SEMA5A: variants seen among roughly 807,000 people sequenced by gnomAD.
SEMA5A encodes the protein semaphorin 5A.
In SEMA5A, 55 loss-of-function variants were observed where a neutral mutation model predicts 135.5. That is an observed-to-expected ratio of 0.41 (90% CI 0.33 to 0.51). SEMA5A has a LOEUF of 0.51. Among genes scored for constraint, SEMA5A ranks in the 20% least tolerant of loss-of-function variants. The probability of loss-of-function intolerance (pLI) is 0.37; values close to 1 mark genes in which losing one functional copy is unlikely to be tolerated. For missense variants in SEMA5A, 1,290 were observed against 1,419.9 expected (o/e 0.91, Z 1.47); for synonymous variants, 580 against 546.5 (o/e 1.06, Z -0.85).
chr5:9,321,027 G>A lies in SEMA5A; in HGVS notation c.225-2610C>T, dbSNP rs1752607040. 2.0e-5 allele frequency among the ~76,000 whole-genome samples: 3 copies of A among 152,144 alleles called. No homozygotes were observed. The South Asian group carries it at 6.2e-4, about 31-fold the overall frequency. On this transcript the variant is annotated intron_variant, in intron 4 of 22. Transcript: ENST00000382496. ...CCCCATGTGTCCAGGGAGGGGCCTA[G>A]TAGGAGGTGATTGGATCATGGGGGC...
At chr5:9,134,497 A>C (rs1010969189) in intron 13 of SEMA5A, among the ~76,000 whole-genome samples, 2 of 152,220 alleles carry the variant, frequency 1.3e-5, no homozygotes, top group Non-Finnish European at 2.9e-5. Flanking sequence ...CATTCATTAT[A>C]AACCAAGTGC....
At chr5:9,289,192 A>G (rs528002279) in intron 5 of SEMA5A, among the ~76,000 whole-genome samples, 4 of 152,352 alleles carry the variant, frequency 2.6e-5, no homozygotes, top group African/African-American at 9.6e-5. Flanking sequence ...ATATAAGTAT[A>G]TTTTAAATAC....
chr5:9,362,050 T>G (rs919678010), intron 3 of SEMA5A, among the ~76,000 whole-genome samples: 1 of 152,194 alleles, frequency 6.6e-6, no homozygotes, highest in Admixed American at 6.5e-5. Flanking sequence ...CAGTTTCGTC[T>G]TCATGAGACA....
At chr5:9,177,676 C>T (rs1295533707) in intron 11 of SEMA5A, among the ~76,000 whole-genome samples, 2 of 152,200 alleles carry the variant, frequency 1.3e-5, no homozygotes, top group East Asian at 3.9e-4. Flanking sequence ...TCCCAGGATA[C>T]TCCTAGGAGA....
At chr5:9,415,185 A>C (rs1277357665) in intron 2 of SEMA5A, among the ~76,000 whole-genome samples, 2 of 152,236 alleles carry the variant, frequency 1.3e-5, no homozygotes, top group African/African-American at 4.8e-5. Context: ...AGTTATTTTA[A>C]GATGCAGCTT....
intron 13 of SEMA5A, among the ~76,000 whole-genome samples, chr5:9,128,653 A>G (rs1741242717): frequency 6.6e-6 from 1 of 152,232 alleles, no homozygotes; most frequent in Non-Finnish European, 1.5e-5. Flanking sequence ...TTAGGCATAT[A>G]CAGTCTATAT....
intron 5 of SEMA5A, among the ~76,000 whole-genome samples, chr5:9,286,477 C>T (rs1378719151): frequency 1.3e-5 from 2 of 152,070 alleles, no homozygotes; most frequent in African/African-American, 2.4e-5. Flanking sequence ...TCATTGTTTG[C>T]TGATTGAGTT....
intron 1 of SEMA5A, among the ~76,000 whole-genome samples, chr5:9,487,329 C>T (rs1012632630): frequency 1.3e-5 from 2 of 152,100 alleles, no homozygotes; most frequent in African/African-American, 4.8e-5. Flanking sequence ...GCATTTACTA[C>T]TATTATCATT....
intron 1 of SEMA5A, among the ~76,000 whole-genome samples, chr5:9,483,675 C>T (rs1189695083): frequency 1.3e-5 from 2 of 152,136 alleles, no homozygotes; most frequent in African/African-American, 4.8e-5. Context: ...TTCTCTGGTT[C>T]CCCTTACCCT....
At chr5:9,181,873 C>A (rs1156800641) in intron 11 of SEMA5A, among the ~76,000 whole-genome samples, 1 of 152,046 alleles carries the variant, frequency 6.6e-6, no homozygotes, top group African/African-American at 2.4e-5. Context: ...ACCCCCTGCC[C>A]CATCTCACTC....
intron 6 of SEMA5A, among the ~76,000 whole-genome samples, chr5:9,230,118 C>T (rs1046689444): frequency 2.7e-5 from 4 of 149,650 alleles, no homozygotes; most frequent in South Asian, 2.1e-4. Flanking sequence ...CCAAGTAGCT[C>T]GGATTACACG....
intron 8 of SEMA5A, among the ~76,000 whole-genome samples, chr5:9,223,481 G>A (rs1035459958): frequency 2.0e-5 from 3 of 152,260 alleles, no homozygotes; most frequent in South Asian, 2.1e-4. Flanking sequence ...GGGCAGAGGA[G>A]GATGCTACTG....
chr5:9,385,634 A>T (rs1406079743), intron 2 of SEMA5A, among the ~76,000 whole-genome samples: 2 of 152,152 alleles, frequency 1.3e-5, no homozygotes, highest in African/African-American at 4.8e-5. Context: ...GAGATGTCTC[A>T]GGAAGTCCTG....
At chr5:9,414,725 T>G (rs1757225261) in intron 2 of SEMA5A, among the ~76,000 whole-genome samples, 1 of 152,208 alleles carries the variant, frequency 6.6e-6, no homozygotes, top group South Asian at 2.1e-4. Flanking sequence ...ATTAGTCATT[T>G]TACCTAGTAT....
intron 3 of SEMA5A, among the ~76,000 whole-genome samples, chr5:9,375,494 C>T (rs527402875): frequency 1.3e-5 from 2 of 151,578 alleles, no homozygotes; most frequent in Non-Finnish European, 1.5e-5. Flanking sequence ...AAGCAGAGAT[C>T]GGTTCTTCTC....
chr5:9,315,210 T>C (rs1235709425), intron 5 of SEMA5A, among the ~76,000 whole-genome samples: 1 of 152,180 alleles, frequency 6.6e-6, no homozygotes, highest in Non-Finnish European at 1.5e-5. Flanking sequence ...CTGTTAACAC[T>C]GTATCATATT....
chr5:9,440,808 T>G (rs268533), intron 1 of SEMA5A, among the ~76,000 whole-genome samples: 80,285 of 152,134 alleles, frequency 0.53, 22,549 homozygotes, highest in African/African-American at 0.74. Flanking sequence ...GAGACCAAAG[T>G]TGAGCTGAGT....
intron 6 of SEMA5A, 41 bp from the exon 7 acceptor site, chr5:9,227,008 T>TAC (rs1561046208): frequency 9.9e-7 from 1 of 1,006,140 alleles, no homozygotes; most frequent in Non-Finnish European, 1.3e-6. Context: ...TATATATATA[T>TAC]ATGTATAATG....
chr5:9,139,822 T>A (rs1283728067), intron 12 of SEMA5A, among the ~76,000 whole-genome samples: 2 of 152,172 alleles, frequency 1.3e-5, no homozygotes, highest in African/African-American at 4.8e-5. Context: ...AACTTAAAGA[T>A]TAAGCATCAA....
Sources: gnomAD v4.1 joint callset for allele counts (sites outside exome capture counted in the v4.1 genomes callset) on GRCh38, gnomAD v4.1.1 for gene constraint, MANE v1.5 for transcripts, NCBI Gene and HGNC (gene_info 2026-07-23, HGNC 2026-07-21) for gene names.